Variants in ITPR2 observed in about 807,000 individuals in gnomAD.
The protein encoded by ITPR2 is inositol 1,4,5-trisphosphate receptor type 2, also known as inositol 1,4,5-trisphosphate-gated calcium channel ITPR2.
Under a neutral mutation model 317.1 loss-of-function variants are expected in ITPR2, and 207 were observed. That is an observed-to-expected ratio of 0.65 (90% CI 0.58 to 0.73). ITPR2 has a LOEUF of 0.73. Among genes scored for constraint, ITPR2 ranks in the 30% least tolerant of loss-of-function variants. The pLI, the probability that ITPR2 is intolerant of heterozygous loss-of-function variation, is 0.00. For synonymous variants in ITPR2, 1,156 were observed against 1,149.1 expected (o/e 1.01, Z -0.12); for missense variants, 2,613 against 3,284.0 (o/e 0.80, Z 4.99).
chr12:26,589,436 G>A (rs537025997), intron 32 of ITPR2, among the ~76,000 whole-genome samples: 2 of 152,072 alleles, frequency 1.3e-5, no homozygotes, highest in Admixed American at 1.3e-4. Context: ...GAAGAATGAT[G>A]GAAGGTGGTA....
intron 55 of ITPR2, among the ~76,000 whole-genome samples, chr12:26,342,206 A>AGGTT (rs1938138051): frequency 6.6e-6 from 1 of 152,076 alleles, no homozygotes. Context: ...GGGAAGATCA[A>AGGTT]TAGAGTGGTG....
chr12:26,665,824 T>C (rs1947613424), intron 14 of ITPR2, 86 bp downstream of exon 14: 3 of 1,179,330 alleles, frequency 2.5e-6, no homozygotes, highest in Non-Finnish European at 1.2e-6. Flanking sequence ...ATTTGCTTCA[T>C]AGTAATAGAT....
chr12:26,651,213 A>C (rs1280099022), intron 21 of ITPR2, among the ~76,000 whole-genome samples: 1 of 151,802 alleles, frequency 6.6e-6, no homozygotes, highest in Non-Finnish European at 1.5e-5. Context: ...CAGGGACTCC[A>C]GTTATTCATA....
At chr12:26,340,626 G>A (rs540095951) in intron 55 of ITPR2, among the ~76,000 whole-genome samples, 4 of 152,194 alleles carry the variant, frequency 2.6e-5, no homozygotes, top group Non-Finnish European at 5.9e-5. Context: ...TGATGAGGTG[G>A]GGTCTGGAGG....
At chr12:26,743,072 A>ATGGT (rs1187043786) in intron 2 of ITPR2, among the ~76,000 whole-genome samples, 1 of 152,234 alleles carries the variant, frequency 6.6e-6, no homozygotes, top group African/African-American at 2.4e-5. Flanking sequence ...GAAAGTGACA[A>ATGGT]TGGTTGCACA....
At chr12:26,373,604 T>C (rs1939251973) in intron 55 of ITPR2, 1 of 152,164 alleles carries the variant, frequency 6.6e-6, no homozygotes, top group Admixed American at 6.5e-5. Context: ...ACAATCACAG[T>C]AGAACCCCAA....
intron 37 of ITPR2, among the ~76,000 whole-genome samples, chr12:26,539,045 T>G (rs1944184905): frequency 6.6e-6 from 1 of 152,224 alleles, no homozygotes; most frequent in Admixed American, 6.5e-5. Flanking sequence ...CAACAGCAGT[T>G]AAATAATAAC....
At chr12:26,811,232 C>G (rs1387940523) in intron 1 of ITPR2, among the ~76,000 whole-genome samples, 3 of 152,150 alleles carry the variant, frequency 2.0e-5, no homozygotes, top group Non-Finnish European at 4.4e-5. Flanking sequence ...AAAATAAAAT[C>G]AAGAAAATAC....
At chr12:26,463,450 T>C (rs1942091974) in intron 45 of ITPR2, among the ~76,000 whole-genome samples, 2 of 152,126 alleles carry the variant, frequency 1.3e-5, no homozygotes, top group Admixed American at 6.6e-5. Context: ...GCGGATTATC[T>C]GAGGTCAAGA....
intron 2 of ITPR2, among the ~76,000 whole-genome samples, chr12:26,780,526 T>C (rs927197623): frequency 3.3e-5 from 5 of 152,154 alleles, no homozygotes; most frequent in Non-Finnish European, 5.9e-5. Context: ...TTTACTGGAC[T>C]TACCATGTTC....
At chr12:26,799,116 G>C (rs1448457651) in intron 1 of ITPR2, among the ~76,000 whole-genome samples, 1 of 152,138 alleles carries the variant, frequency 6.6e-6, no homozygotes. Flanking sequence ...TTTCAATCAA[G>C]CATAGGTTTG....
intron 21 of ITPR2, among the ~76,000 whole-genome samples, chr12:26,640,894 A>G (rs1946968534): frequency 1.3e-5 from 2 of 152,196 alleles, no homozygotes; most frequent in African/African-American, 2.4e-5. Context: ...AGGAGATACA[A>G]TTGCTTAGTA....
At chr12:26,461,062 T>C (rs1400400255) in intron 45 of ITPR2, among the ~76,000 whole-genome samples, 4 of 152,210 alleles carry the variant, frequency 2.6e-5, no homozygotes, top group Non-Finnish European at 4.4e-5. Flanking sequence ...AGGCTTCCAC[T>C]GTCCATAGAA....
intron 10 of ITPR2, 152 bp downstream of exon 10, chr12:26,695,454 G>T: frequency 1.6e-6 from 1 of 619,528 alleles, no homozygotes; most frequent in Non-Finnish European, 2.9e-6. Context: ...CATAATCTAA[G>T]CCATATCATC....
chr12:26,399,068 A>G (rs778443554), intron 53 of ITPR2, 27 bp from the exon 54 acceptor site: 2 of 1,518,292 alleles, frequency 1.3e-6, no homozygotes, highest in Non-Finnish European at 1.8e-6. Context: ...TAAAAAAATC[A>G]CACTAGGCAT....
Position 26,645,192 on chromosome 12 carries a change from T to C in ITPR2, c.2740+8784A>G, listed in dbSNP as rs118109875. 8.0e-3 allele frequency among the ~76,000 whole-genome samples: 1,217 copies of C among 152,340 alleles called. 7 individuals carry two copies. The highest frequency in any genetic ancestry group is 0.01 in the Middle Eastern group (3 of 294). On this transcript the variant is annotated intron_variant, in intron 21 of 56. Transcript: ENST00000381340. ...GAGTCTGCTTCCTGAGGAACACAAC[T>C]GGCAATACGTAATTCTAGAGTTGCC... is the stretch of plus-strand genomic sequence containing the variant.
Position 26,487,109 on chromosome 12 carries a change from TC to T in ITPR2, c.5512del (p.Asp1838ThrfsTer6). The stretch of plus-strand genomic sequence containing the variant: ...AGATGTCATCAATTCATTGTCATCG[TC>T]CCTTTTTTTGTTACCTAAATCTATG... ...NTIDLGNKKR[D>X]DDNELMTSGP... On this transcript the variant is annotated frameshift_variant, in exon 40 of 57. Coordinates refer to ENST00000381340, the MANE Select transcript of ITPR2 (RefSeq NM_002223.4). LOFTEE classifies it high-confidence loss of function. 6.2e-7 allele frequency: 1 copy of T among 1,612,668 alleles called. No individual in the cohort carries two copies. Among genetic ancestry groups the T allele is most frequent in the East Asian group, 2.2e-5 (1 of 44,850 alleles).
intron 45 of ITPR2, among the ~76,000 whole-genome samples, chr12:26,449,206 A>G (rs924217391): frequency 6.6e-6 from 1 of 152,158 alleles, no homozygotes; most frequent in African/African-American, 2.4e-5. Context: ...CTTTCCCAAG[A>G]TCGCAAAGTG....
chr12:26,465,169 GAA>G (rs1942139300), intron 45 of ITPR2, among the ~76,000 whole-genome samples: 2 of 152,240 alleles, frequency 1.3e-5, no homozygotes, highest in South Asian at 4.1e-4. Context: ...AGAAGCCAGA[GAA>G]AGAAATAGGA....
Sources: allele counts gnomAD v4.1 joint callset (sites outside exome capture counted in the v4.1 genomes callset), GRCh38; gene constraint gnomAD v4.1.1; transcripts MANE v1.5; gene names NCBI Gene and HGNC (gene_info 2026-07-23, HGNC 2026-07-21).